Variants in POTEC observed in about 807,000 individuals in gnomAD.
The protein encoded by POTEC is ANKRD26-like family B member 2.
POTEC carries 35 observed loss-of-function variants against 62.0 expected under a neutral mutation model. The observed-to-expected ratio is 0.56, with a 90% CI of 0.43 to 0.75. The LOEUF is 0.75. POTEC is among the 30% of genes least tolerant of loss of function. The probability of loss-of-function intolerance (pLI) is 0.00; values close to 1 mark genes in which losing one functional copy is unlikely to be tolerated. For synonymous variants in POTEC, 156 were observed against 221.5 expected, an observed-to-expected ratio of 0.70 and a Z score of 2.62; for missense variants, 472 against 655.9, an observed-to-expected ratio of 0.72 and a Z score of 3.06.
At position 14,507,711 on chromosome 18, in the gene POTEC, G is replaced by A. The variant is rs1909883155; in HGVS notation, c.*4187C>T. On this transcript the variant is annotated 3_prime_UTR_variant, in exon 11 of 11. Coordinates refer to ENST00000358970, the MANE Select transcript of POTEC (RefSeq NM_001137671.2). ...ACTTCAGTGTGTTTTTGTAGTGGCT[G>A]GTGGTGGTCTTTTCTTTCCATATTT... 3 of 152,154 alleles carry A rather than the reference G, an allele frequency of 2.0e-5. No homozygotes were observed. Among genetic ancestry groups the A allele is most frequent in the South Asian group, 2.1e-4 (1 of 4,818 alleles). The allele number at this position is 152,154 out of a possible 1,614,324, so 9.4% of individuals were successfully genotyped here. A position where few individuals can be genotyped will look rare whatever the true frequency, so the allele number is the denominator to read the frequency against.
At chr18:14,530,384 C>T in intron 6 of POTEC, 99 bp downstream of exon 6, 2 of 1,570,848 alleles carry the variant, frequency 1.3e-6, no homozygotes, top group Non-Finnish European at 1.7e-6. Context: ...CCCCACCTTC[C>T]CCCAGCCCAT....
chr18:14,515,576 C>G lies in POTEC; in HGVS notation c.1410-1791G>C, dbSNP rs532161441. ...TGGATTAATGGCCTAAACCTAAGAC[C>G]TGAAGACATTAGCCTAGGCAAATAA... On this transcript the variant is annotated intron_variant, in intron 9 of 10. Transcript: ENST00000358970. 3.9e-5 allele frequency among the ~76,000 whole-genome samples: 6 copies of G among 152,030 alleles called. No homozygotes were observed. In the East Asian group the frequency reaches 1.2e-3, roughly 29 times the overall value.
chr18:14,542,305 T>C (rs532272090), intron 1 of POTEC, among the ~76,000 whole-genome samples: 31 of 152,356 alleles, frequency 2.0e-4, no homozygotes, highest in South Asian at 2.1e-4. Flanking sequence ...TACACCTTTC[T>C]ATAGTGTATA....
chr18:14,520,962 C>A (rs1200054424), intron 9 of POTEC, among the ~76,000 whole-genome samples: 1 of 151,956 alleles, frequency 6.6e-6, no homozygotes, highest in African/African-American at 2.4e-5. Context: ...GCAACAGAGA[C>A]CCTGTCTCAA....
chr18:14,531,810 G>A (rs1292562690), intron 5 of POTEC: 2 of 151,392 alleles, frequency 1.3e-5, no homozygotes, highest in Admixed American at 1.3e-4. Flanking sequence ...CATGATTTGT[G>A]ATGAGTCATG....
chr18:14,536,423 G>T (rs1318110260), intron 3 of POTEC, among the ~76,000 whole-genome samples: 5 of 151,822 alleles, frequency 3.3e-5, no homozygotes, highest in African/African-American at 1.2e-4. Flanking sequence ...GTTAGAGACA[G>T]GGTCTCATTA....
chr18:14,512,043 C>A (rs1227264861), intron 10 of POTEC, 50 bp from the exon 11 acceptor site: 1 of 1,361,278 alleles, frequency 7.3e-7, no homozygotes, highest in African/African-American at 1.4e-5. Flanking sequence ...AATGACATAT[C>A]ATGATTTCTT....
chr18:14,537,458 T>A (rs1431789491), intron 3 of POTEC, among the ~76,000 whole-genome samples: 1 of 152,064 alleles, frequency 6.6e-6, no homozygotes, highest in African/African-American at 2.4e-5. Flanking sequence ...TTCTTGGAGT[T>A]TTAATGTAAA....
rs1483848629 is a variant in POTEC at position 14,528,157 on chromosome 18, G to C, written c.1126+2326C>G. On this transcript the variant is annotated intron_variant, in intron 6 of 10. Coordinates refer to ENST00000358970, the MANE Select transcript of POTEC (RefSeq NM_001137671.2). ...ACATAGTCTAAAATATTTCCCACCT[G>C]GTCCTTTACAGAAAAAGCTTGCTAA... is the stretch of plus-strand genomic sequence containing the variant. 21 of 152,136 alleles carry C rather than the reference G, an allele frequency of 1.4e-4. No individual in the cohort carries two copies. In the East Asian group the frequency reaches 3.1e-3, roughly 22 times the overall value. The allele number at this position is 152,136 out of a possible 1,614,324, so 9.4% of individuals were successfully genotyped here.
intron 7 of POTEC, among the ~76,000 whole-genome samples, chr18:14,523,873 G>A (rs1304058774): frequency 6.6e-6 from 1 of 152,050 alleles, no homozygotes; most frequent in Non-Finnish European, 1.5e-5. Flanking sequence ...ATTAGCAGAT[G>A]ATTTGTAGTG....
At chr18:14,537,206 CACACAAAAAAA>C (rs1238168766) in intron 3 of POTEC, among the ~76,000 whole-genome samples, 7 of 76,864 alleles carry the variant, frequency 9.1e-5, no homozygotes, top group African/African-American at 3.1e-4. Context: ...CACACACACA[CACACAAAAAAA>C]AAAAAAAACA....
chr18:14,516,139 C>T (rs1401857400), intron 9 of POTEC, among the ~76,000 whole-genome samples: 6 of 150,252 alleles, frequency 4.0e-5, no homozygotes, highest in Non-Finnish European at 7.4e-5. Context: ...TCTTACCATT[C>T]TATCCAGCAT....
chr18:14,522,688 C>A (rs929941967), intron 8 of POTEC, among the ~76,000 whole-genome samples: 1 of 151,880 alleles, frequency 6.6e-6, no homozygotes, highest in Admixed American at 6.6e-5. Flanking sequence ...TCAAAAAGGG[C>A]CCTCCTTCAT....
intron 6 of POTEC, among the ~76,000 whole-genome samples, chr18:14,530,127 C>T (rs1047698895): frequency 1.3e-5 from 2 of 151,592 alleles, no homozygotes; most frequent in Non-Finnish European, 2.9e-5. Context: ...GAGCATGAAC[C>T]CTGTTGTGAA....
At chr18:14,526,270 G>C (rs1910434679) in intron 6 of POTEC, among the ~76,000 whole-genome samples, 1 of 152,018 alleles carries the variant, frequency 6.6e-6, no homozygotes, top group Non-Finnish European at 1.5e-5. Context: ...AGATAAACAG[G>C]TAACTCCTTC....
chr18:14,526,679 G>C (rs1285635352), intron 6 of POTEC, among the ~76,000 whole-genome samples: 2 of 152,032 alleles, frequency 1.3e-5, no homozygotes, highest in African/African-American at 4.8e-5. Flanking sequence ...GGAGTGAGTA[G>C]GGCATTAAGA....
rs938156229 is a variant in POTEC at position 14,509,666 on chromosome 18, C to A, written c.*2232G>T. On this transcript the variant is annotated 3_prime_UTR_variant, in exon 11 of 11. Transcript: ENST00000358970. Reference sequence around the variant, plus strand: ...TTGTACAGAAGCTATGGTGTGGGCACCCGAAAGTGCCCTCTAAGCAGGTGT... The same window carrying A: ...TTGTACAGAAGCTATGGTGTGGGCAACCGAAAGTGCCCTCTAAGCAGGTGT... 6.6e-6 allele frequency: 1 copy of A among 150,954 alleles called. No homozygotes were observed. Among genetic ancestry groups the A allele is most frequent in the Non-Finnish European group, 1.5e-5 (1 of 67,742 alleles). 9.4% of individuals were successfully genotyped at this position (150,954 alleles called of 1,614,324 possible). A position where few individuals can be genotyped will look rare whatever the true frequency, so the allele number is the denominator to read the frequency against.
chr18:14,518,915 A>C (rs1165120383), intron 9 of POTEC, among the ~76,000 whole-genome samples: 2 of 152,054 alleles, frequency 1.3e-5, no homozygotes, highest in Non-Finnish European at 2.9e-5. Context: ...AGATAATCAG[A>C]AGGGCTGGGG....
At chr18:14,528,055 T>C (rs1436334930) in intron 6 of POTEC, 1 of 152,198 alleles carries the variant, frequency 6.6e-6, no homozygotes, top group Non-Finnish European at 1.5e-5. Flanking sequence ...TCATGCCTGT[T>C]TGCTTACATA....
Sources: allele counts gnomAD v4.1 joint callset (sites outside exome capture counted in the v4.1 genomes callset), GRCh38; gene constraint gnomAD v4.1.1; transcripts MANE v1.5; gene names NCBI Gene and HGNC (gene_info 2026-07-23, HGNC 2026-07-21).